Variants in HDAC9 observed in about 807,000 individuals in gnomAD.
HDAC9 encodes the protein MEF-2 interacting transcription repressor (MITR) protein.
In HDAC9, 41 loss-of-function variants were observed where a neutral mutation model predicts 139.4. The ratio of observed to expected loss-of-function variants is 0.29; its 90% CI spans 0.23 to 0.38. The LOEUF is 0.38. HDAC9 is among the 10% of genes least tolerant of loss of function. HDAC9 has a pLI of 1.00. For synonymous variants in HDAC9, 517 were observed against 476.2 expected (o/e 1.09, Z -1.12); for missense variants, 1,147 against 1,297.0 (o/e 0.88, Z 1.78).
At chr7:18,169,412 T>G (rs536063970) in intron 2 of HDAC9, among the ~76,000 whole-genome samples, 5 of 152,274 alleles carry the variant, frequency 3.3e-5, no homozygotes, top group African/African-American at 1.2e-4. Flanking sequence ...GTTATGGTTT[T>G]AATTTTGCCA....
chr7:18,935,259 A>T (rs964814064), intron 22 of HDAC9, among the ~76,000 whole-genome samples: 2 of 152,142 alleles, frequency 1.3e-5, no homozygotes, highest in Admixed American at 1.3e-4. Context: ...ACTCGTATAG[A>T]TGTTATTCAT....
chr7:18,792,237 G>T, intron 16 of HDAC9, among the ~76,000 whole-genome samples: 1 of 149,434 alleles, frequency 6.7e-6, no homozygotes, highest in African/African-American at 2.5e-5. Context: ...CATGTGATTA[G>T]GCCCCTTGCA....
chr7:18,601,443 C>T (rs1373139912), intron 6 of HDAC9, among the ~76,000 whole-genome samples: 1 of 151,994 alleles, frequency 6.6e-6, no homozygotes, highest in Non-Finnish European at 1.5e-5. Context: ...TCTTCATTCC[C>T]AATCTGTATG....
At chr7:18,711,134 A>T (rs1009536018) in intron 12 of HDAC9, among the ~76,000 whole-genome samples, 18 of 152,236 alleles carry the variant, frequency 1.2e-4, no homozygotes, top group Admixed American at 1.2e-3. Flanking sequence ...TGCAGTAGAT[A>T]CTACTGTTAT....
intron 1 of HDAC9, among the ~76,000 whole-genome samples, chr7:18,446,374 G>T (rs994889443): frequency 1.3e-5 from 2 of 152,186 alleles, no homozygotes; most frequent in Non-Finnish European, 1.5e-5. Context: ...CCTAGTCGGG[G>T]GGTGGGTTTA....
At chr7:18,321,365 A>G (rs927737754) in intron 1 of HDAC9, among the ~76,000 whole-genome samples, 3 of 152,118 alleles carry the variant, frequency 2.0e-5, no homozygotes, top group African/African-American at 7.2e-5. Context: ...TGTGTTTTTA[A>G]TACTTACCAT....
At chr7:18,349,908 CAT>C (rs1223871826) in intron 1 of HDAC9, among the ~76,000 whole-genome samples, 1 of 152,106 alleles carries the variant, frequency 6.6e-6, no homozygotes, top group Non-Finnish European at 1.5e-5. Flanking sequence ...GGCTTTGGAA[CAT>C]ATGTGAGAAT....
intron 21 of HDAC9, among the ~76,000 whole-genome samples, chr7:18,863,005 ATTC>A (rs1296883360): frequency 6.6e-6 from 1 of 152,188 alleles, no homozygotes; most frequent in African/African-American, 2.4e-5. Context: ...GCATTTGCAT[ATTC>A]TTGTAATTAT....
chr7:18,847,160 A>G (rs1052409858), intron 21 of HDAC9, among the ~76,000 whole-genome samples: 3 of 152,140 alleles, frequency 2.0e-5, no homozygotes, highest in African/African-American at 7.2e-5. Flanking sequence ...CTCTTCTCAG[A>G]TTGGAGGAAA....
intron 1 of HDAC9, among the ~76,000 whole-genome samples, chr7:18,415,420 C>T (rs1250401813): frequency 6.6e-6 from 1 of 152,200 alleles, no homozygotes; most frequent in Non-Finnish European, 1.5e-5. Context: ...GTGAATCCAT[C>T]AGGAACCTCA....
intron 13 of HDAC9, among the ~76,000 whole-genome samples, chr7:18,744,429 C>G (rs956597473): frequency 2.0e-5 from 3 of 152,152 alleles, no homozygotes. Flanking sequence ...CTGTGCTAGT[C>G]CTTTGTCCAG....
chr7:18,689,190 G>A (rs1002333722), intron 12 of HDAC9, among the ~76,000 whole-genome samples: 2 of 151,558 alleles, frequency 1.3e-5, no homozygotes, highest in African/African-American at 4.9e-5. Flanking sequence ...CCTGGATTTG[G>A]ATTTGGGGGA....
At chr7:18,559,239 T>C (rs529608927) in intron 2 of HDAC9, among the ~76,000 whole-genome samples, 1 of 152,250 alleles carries the variant, frequency 6.6e-6, no homozygotes, top group East Asian at 1.9e-4. Context: ...AGCCCAATAG[T>C]CTTGTTCTCC....
intron 2 of HDAC9, among the ~76,000 whole-genome samples, chr7:18,171,207 A>G (rs142647387): frequency 0.022 from 3,383 of 152,184 alleles, 134 homozygotes; most frequent in African/African-American, 0.076. Flanking sequence ...CTTTGAAGCA[A>G]TTGTGAATGG....
At chr7:18,644,824 A>G (rs764763785) in intron 9 of HDAC9, 31 bp downstream of exon 9, 24 of 1,582,834 alleles carry the variant, frequency 1.5e-5, no homozygotes, top group Non-Finnish European at 2.0e-5. Flanking sequence ...AGCCTTAATC[A>G]ACCTAAGCAA....
intron 1 of HDAC9, among the ~76,000 whole-genome samples, chr7:18,342,471 G>T (rs1015012178): frequency 1.3e-5 from 2 of 151,810 alleles, no homozygotes; most frequent in Non-Finnish European, 1.5e-5. Flanking sequence ...TTTCAGGTGG[G>T]ATAGTAAATC....
chr7:18,991,379 G>A (rs1483672610), intron 25 of HDAC9, among the ~76,000 whole-genome samples: 16 of 152,312 alleles, frequency 1.1e-4, no homozygotes, highest in Admixed American at 8.5e-4. Flanking sequence ...AGTGGCTCAT[G>A]CCTGTAATCC....
rs147226246 is a variant in HDAC9 at position 18,917,891 on chromosome 7, C to T, written c.2804-17918C>T. 5.2e-3 allele frequency among the ~76,000 whole-genome samples: 786 copies of T among 151,988 alleles called. 7 individuals are homozygous for T. The highest frequency in any genetic ancestry group is 0.018 in the African/African-American group (740 of 41,490). The stretch of plus-strand genomic sequence containing the variant: ...TTCAGTGCAGTCATTTTGACAATAA[C>T]GGCATATTGGGGCCCTGATTACCAA... On this transcript the variant is annotated intron_variant, in intron 22 of 25. Coordinates refer to ENST00000686413, the MANE Select transcript of HDAC9 (RefSeq NM_178425.4).
chr7:18,290,408 C>T (rs780027313), upstream of HDAC9: 1 of 453,224 alleles, frequency 2.2e-6, no homozygotes, highest in Non-Finnish European at 4.4e-6. Flanking sequence ...CACTTCCCTT[C>T]CTTGTGGCTC....
Sources: allele counts gnomAD v4.1 joint callset (sites outside exome capture counted in the v4.1 genomes callset), GRCh38; gene constraint gnomAD v4.1.1; transcripts MANE v1.5; gene names NCBI Gene and HGNC (gene_info 2026-07-23, HGNC 2026-07-21).